Variants in FRMD4B observed in about 807,000 individuals in gnomAD.
The protein encoded by FRMD4B is FERM domain containing 4B.
A neutral mutation model predicts 141.5 loss-of-function variants in FRMD4B; 74 were observed. The ratio of observed to expected loss-of-function variants is 0.52; its 90% CI spans 0.43 to 0.63. The LOEUF (loss-of-function observed/expected upper bound fraction) is 0.63, where lower values mean the gene tolerates loss of function less well. Ranked by LOEUF, FRMD4B falls within the 30% of genes least tolerant of loss-of-function variation. FRMD4B has a pLI of 0.00. For missense variants in FRMD4B, 1,366 were observed against 1,253.4 expected (o/e 1.09, Z -1.36); for synonymous variants, 506 against 467.9 (o/e 1.08, Z -1.05).
intron 11 of FRMD4B, among the ~76,000 whole-genome samples, chr3:69,213,082 T>A (rs895729603): frequency 6.6e-6 from 1 of 152,198 alleles, no homozygotes; most frequent in Non-Finnish European, 1.5e-5. Context: ...TTCCACATCA[T>A]GAAGCACTAG....
At chr3:69,218,019 T>G (rs911957329) in intron 10 of FRMD4B, among the ~76,000 whole-genome samples, 1 of 152,148 alleles carries the variant, frequency 6.6e-6, no homozygotes. Flanking sequence ...CGCTGGAGAC[T>G]GCATAATTTT....
intron 1 of FRMD4B, among the ~76,000 whole-genome samples, chr3:69,324,208 G>A (rs1702106784): frequency 6.6e-6 from 1 of 152,198 alleles, no homozygotes; most frequent in African/African-American, 2.4e-5. Flanking sequence ...TGAACACTCA[G>A]GGTACAGGAT....
intron 1 of FRMD4B, among the ~76,000 whole-genome samples, chr3:69,537,592 A>G (rs1303381997): frequency 6.6e-6 from 1 of 152,166 alleles, no homozygotes; most frequent in Admixed American, 6.5e-5. Flanking sequence ...TAATCAATAT[A>G]TCTGCCTTTT....
chr3:69,501,179 C>T (rs1005507777), intron 1 of FRMD4B, among the ~76,000 whole-genome samples: 6 of 149,660 alleles, frequency 4.0e-5, no homozygotes, highest in African/African-American at 1.5e-4. Flanking sequence ...CAGCCCAACA[C>T]AAATTTGTAA....
intron 2 of FRMD4B, among the ~76,000 whole-genome samples, chr3:69,400,397 AG>A (rs1704543948): frequency 6.8e-6 from 1 of 146,316 alleles, no homozygotes; most frequent in Non-Finnish European, 1.5e-5. Context: ...AAAAAAAAAA[AG>A]TGTACCATTT....
chr3:69,524,482 T>C (rs577894053), intron 1 of FRMD4B, among the ~76,000 whole-genome samples: 1 of 152,354 alleles, frequency 6.6e-6, no homozygotes, highest in South Asian at 2.1e-4. Context: ...ATGTAGGTGC[T>C]TGGTTTTAAT....
chr3:69,407,587 T>C (rs1704670626), intron 2 of FRMD4B, among the ~76,000 whole-genome samples: 1 of 152,236 alleles, frequency 6.6e-6, no homozygotes. Context: ...GGTTACTTAT[T>C]ACACAGGATT....
At chr3:69,391,837 T>G (rs1392554515) in intron 2 of FRMD4B, among the ~76,000 whole-genome samples, 1 of 152,188 alleles carries the variant, frequency 6.6e-6, no homozygotes, top group African/African-American at 2.4e-5. Context: ...TTTAGTGACC[T>G]TGGGCTCTGC....
intron 1 of FRMD4B, among the ~76,000 whole-genome samples, chr3:69,346,706 C>A (rs1702956365): frequency 6.6e-6 from 1 of 152,118 alleles, no homozygotes; most frequent in Non-Finnish European, 1.5e-5. Flanking sequence ...AATTTCCAAC[C>A]CAGAATTTCA....
chr3:69,257,702 C>T (rs2106830146), intron 5 of FRMD4B, among the ~76,000 whole-genome samples: 1 of 152,130 alleles, frequency 6.6e-6, no homozygotes, highest in East Asian at 1.9e-4. Flanking sequence ...CTCTCTGTCA[C>T]CCAGGCTGGA....
At chr3:69,303,005 C>T (rs1451283979) in intron 3 of FRMD4B, among the ~76,000 whole-genome samples, 1 of 152,084 alleles carries the variant, frequency 6.6e-6, no homozygotes, top group African/African-American at 2.4e-5. Context: ...ACCCGGGAGG[C>T]GGAGGTTGCA....
At chr3:69,420,413 C>G (rs890958425) in intron 2 of FRMD4B, among the ~76,000 whole-genome samples, 4 of 152,148 alleles carry the variant, frequency 2.6e-5, no homozygotes, top group African/African-American at 9.6e-5. Context: ...ACCAATAGCC[C>G]TACAAAGTAA....
chr3:69,456,246 C>CAAAG (rs3032812), intron 1 of FRMD4B, among the ~76,000 whole-genome samples: 100,292 of 151,454 alleles, frequency 0.66, 33,775 homozygotes, highest in East Asian at 0.83. Context: ...AGTGTTTGCA[C>CAAAG]AAAGTAAGAA....
At chr3:69,260,132 C>A (rs1050920053) in intron 5 of FRMD4B, among the ~76,000 whole-genome samples, 1 of 152,272 alleles carries the variant, frequency 6.6e-6, no homozygotes, top group South Asian at 2.1e-4. Flanking sequence ...CGCTCGCTCT[C>A]GGTGCCTCCT....
At chr3:69,300,742 TG>T (rs1157992895) in intron 4 of FRMD4B, among the ~76,000 whole-genome samples, 1 of 152,216 alleles carries the variant, frequency 6.6e-6, no homozygotes, top group Non-Finnish European at 1.5e-5. Flanking sequence ...TTTTTGTTTT[TG>T]TTTTTGTTTT....
chr3:69,422,882 C>A (rs1433308909), intron 2 of FRMD4B, among the ~76,000 whole-genome samples: 2 of 152,020 alleles, frequency 1.3e-5, no homozygotes, highest in Non-Finnish European at 2.9e-5. Context: ...AGCTTGCAGA[C>A]CCCTATGTCC....
At chr3:69,311,173 G>T in intron 3 of FRMD4B, 90 bp downstream of exon 3, 1 of 612,940 alleles carries the variant, frequency 1.6e-6, no homozygotes. Context: ...GAATGCTGGA[G>T]GACTTATTTC....
chr3:69,466,939 C>T (rs1407941516), intron 1 of FRMD4B, among the ~76,000 whole-genome samples: 2 of 152,116 alleles, frequency 1.3e-5, no homozygotes, highest in Non-Finnish European at 2.9e-5. Flanking sequence ...TGGGCTCAAG[C>T]CATCTGCCCA....
chr3:69,378,162 T>G (rs1322738987), intron 1 of FRMD4B, among the ~76,000 whole-genome samples: 1 of 151,850 alleles, frequency 6.6e-6, no homozygotes, highest in Non-Finnish European at 1.5e-5. Flanking sequence ...CAGAGGGCTC[T>G]CTAATAAACT....
Sources: allele counts gnomAD v4.1 joint callset (sites outside exome capture counted in the v4.1 genomes callset), GRCh38; gene constraint gnomAD v4.1.1; transcripts MANE v1.5; gene names NCBI Gene and HGNC (gene_info 2026-07-23, HGNC 2026-07-21).